HMGCLL1: variants seen among roughly 807,000 people sequenced by gnomAD.
HMGCLL1 encodes 3-hydroxymethyl-3-methylglutaryl-CoA lyase, cytoplasmic.
A neutral mutation model predicts 39.1 loss-of-function variants in HMGCLL1; 36 were observed. That is an observed-to-expected ratio of 0.92 (90% CI 0.71 to 1.22). The LOEUF (loss-of-function observed/expected upper bound fraction) is 1.22. Ranked by LOEUF, HMGCLL1 falls within the 50% of genes most tolerant of loss-of-function variation. HMGCLL1 has a pLI of 0.00. For missense variants in HMGCLL1, 451 were observed against 416.5 expected (o/e 1.08, Z -0.72); for synonymous variants, 149 against 144.0 (o/e 1.03, Z -0.25).
intron 3 of HMGCLL1, among the ~76,000 whole-genome samples, chr6:55,524,142 C>A (rs1768185611): frequency 6.6e-6 from 1 of 151,602 alleles, no homozygotes; most frequent in South Asian, 2.1e-4. Flanking sequence ...ATTTTTCTAA[C>A]CTATAAATAA....
intron 3 of HMGCLL1, among the ~76,000 whole-genome samples, chr6:55,518,033 A>C (rs1767835291): frequency 6.6e-6 from 1 of 152,142 alleles, no homozygotes; most frequent in East Asian, 1.9e-4. Context: ...ACATTCATTT[A>C]CAATGCATAA....
chr6:55,482,613 G>T (rs977119329), intron 7 of HMGCLL1, among the ~76,000 whole-genome samples: 1 of 152,078 alleles, frequency 6.6e-6, no homozygotes. Flanking sequence ...TCAACTGAAA[G>T]TCATGGGTTT....
At chr6:55,440,012 T>G (rs1057233955) in intron 7 of HMGCLL1, among the ~76,000 whole-genome samples, 1 of 152,110 alleles carries the variant, frequency 6.6e-6, no homozygotes, top group African/African-American at 2.4e-5. Context: ...GAGAGAGAAG[T>G]CACTGGGTTT....
At chr6:55,560,053 G>C (rs1770867698) in intron 1 of HMGCLL1, among the ~76,000 whole-genome samples, 1 of 152,118 alleles carries the variant, frequency 6.6e-6, no homozygotes, top group Non-Finnish European at 1.5e-5. Context: ...ATTGAGAGTG[G>C]AAAGTGTCAT....
chr6:55,659,019 G>A, the HMGCLL1 span, among the ~76,000 whole-genome samples: 1 of 151,924 alleles, frequency 6.6e-6, no homozygotes, highest in South Asian at 2.1e-4. Context: ...AAGAGGCCAA[G>A]TTAGCAGTCT....
At chr6:55,585,034 G>A in the HMGCLL1 span, among the ~76,000 whole-genome samples, 6 of 151,936 alleles carry the variant, frequency 3.9e-5, no homozygotes, top group Non-Finnish European at 7.4e-5. Context: ...ATATCTGGCT[G>A]ATCTAAATTG....
rs367841018 is a variant in HMGCLL1 at position 55,462,205 on chromosome 6, G to T, written c.796-22646C>A. ...AAGAAAGACTGCTTTCCTTCTCTAT[G>T]CTTACCTTTCTAAAACATGAATTAC... On this transcript the variant is annotated intron_variant, in intron 7 of 8. Coordinates refer to ENST00000274901, the MANE Select transcript of HMGCLL1 (RefSeq NM_001042406.2). 4.5e-4 allele frequency among the ~76,000 whole-genome samples: 68 copies of T among 152,208 alleles called. 1 individual carries two copies. The South Asian group carries it at 0.014, about 31-fold the overall frequency.
chr6:55,543,098 A>ATAAT (rs368622295), intron 1 of HMGCLL1, among the ~76,000 whole-genome samples: 40 of 9,968 alleles, frequency 4.0e-3, no homozygotes, highest in Admixed American at 0.011. Flanking sequence ...TATATAATAT[A>ATAAT]ATATATGATA....
the HMGCLL1 span, among the ~76,000 whole-genome samples, chr6:55,673,065 C>T: frequency 3.1e-4 from 47 of 152,014 alleles, no homozygotes; most frequent in Non-Finnish European, 6.2e-4. Context: ...AGGCCTTCAG[C>T]TGATACCTAT....
the HMGCLL1 span, among the ~76,000 whole-genome samples, chr6:55,639,006 T>A: frequency 2.0e-5 from 3 of 152,130 alleles, no homozygotes; most frequent in Non-Finnish European, 4.4e-5. Flanking sequence ...ATCTGACAGA[T>A]AAACAGACTA....
At chr6:55,596,544 CT>C in the HMGCLL1 span, among the ~76,000 whole-genome samples, 127 of 152,208 alleles carry the variant, frequency 8.3e-4, 3 homozygotes, top group Admixed American at 3.5e-3. Context: ...TCATAATATT[CT>C]GAATTTTAAT....
intron 7 of HMGCLL1, among the ~76,000 whole-genome samples, chr6:55,471,193 T>A (rs764896455): frequency 6.6e-6 from 1 of 151,864 alleles, no homozygotes; most frequent in African/African-American, 2.4e-5. Context: ...TATTCTTCGA[T>A]AACTTGCTTT....
At chr6:55,552,380 A>G (rs534703608) in intron 1 of HMGCLL1, among the ~76,000 whole-genome samples, 1 of 152,148 alleles carries the variant, frequency 6.6e-6, no homozygotes, top group East Asian at 1.9e-4. Flanking sequence ...TACCTACTCC[A>G]GTATCTGCTA....
At chr6:55,660,491 A>G in the HMGCLL1 span, among the ~76,000 whole-genome samples, 7 of 151,836 alleles carry the variant, frequency 4.6e-5, no homozygotes, top group African/African-American at 1.7e-4. Flanking sequence ...TTCCTGTGTT[A>G]GTTGCTAAGA....
Position 55,542,092 on chromosome 6 carries a change from C to T in HMGCLL1, c.157G>A (p.Val53Ile). The change falls in exon 2 of 9, where the codon GTT (valine) becomes ATT (isoleucine). Residue 53 changes from valine (V) to isoleucine (I), a missense_variant. Coordinates refer to ENST00000274901, the MANE Select transcript of HMGCLL1 (RefSeq NM_001042406.2). ...TTCTGCAATCCATCCCTAGGCCCAACTTCTACTATTTTAACAAACTCAGGG... is the reference window on the plus strand; with the variant it reads ...TTCTGCAATCCATCCCTAGGCCCAATTTCTACTATTTTAACAAACTCAGGG... ...GLPEFVKIVE[V>I]GPRDGLQNEK... 2 of 1,611,032 alleles carry T rather than the reference C, an allele frequency of 1.2e-6. No individual in the cohort carries two copies. The highest frequency in any genetic ancestry group is 1.7e-6 in the Non-Finnish European group (2 of 1,177,884).
chr6:55,592,167 T>C, the HMGCLL1 span, among the ~76,000 whole-genome samples: 1 of 151,962 alleles, frequency 6.6e-6, no homozygotes, highest in African/African-American at 2.4e-5. Flanking sequence ...ATTCCTCAGA[T>C]TCTCCTCTTC....
intron 3 of HMGCLL1, among the ~76,000 whole-genome samples, chr6:55,521,499 G>A (rs565205669): frequency 4.1e-4 from 62 of 152,078 alleles, no homozygotes; most frequent in Middle Eastern, 3.4e-3. Context: ...TGCTCACTTT[G>A]TATCTCTGTG....
At chr6:55,665,754 G>C in the HMGCLL1 span, among the ~76,000 whole-genome samples, 94 of 151,648 alleles carry the variant, frequency 6.2e-4, no homozygotes, top group Non-Finnish European at 4.3e-4. Context: ...TAACTGAATT[G>C]GTTACATGAG....
At chr6:55,607,654 C>T in the HMGCLL1 span, among the ~76,000 whole-genome samples, 1 of 152,134 alleles carries the variant, frequency 6.6e-6, no homozygotes, top group African/African-American at 2.4e-5. Flanking sequence ...CCTAAAGCTC[C>T]GACTGGGGTC....
Sources: allele counts gnomAD v4.1 joint callset (sites outside exome capture counted in the v4.1 genomes callset), GRCh38; gene constraint gnomAD v4.1.1; transcripts MANE v1.5; gene names NCBI Gene and HGNC (gene_info 2026-07-23, HGNC 2026-07-21).